The following TAFA1 variants were observed in gnomAD, a reference collection of about 807,000 sequenced individuals.
The protein encoded by TAFA1 is chemokine-like protein TAFA-1.
In TAFA1, 4 loss-of-function variants were observed where a neutral mutation model predicts 18.5. The ratio of observed to expected loss-of-function variants is 0.22; its 90% CI spans 0.11 to 0.49. The LOEUF is 0.49. Ranked by LOEUF, TAFA1 falls within the 20% of genes least tolerant of loss-of-function variation. The pLI, the probability that TAFA1 is intolerant of heterozygous loss-of-function variation, is 0.98. For missense variants in TAFA1, 147 were observed against 169.0 expected (o/e 0.87, Z 0.72); for synonymous variants, 56 against 55.2 (o/e 1.01, Z -0.06).
intron 2 of TAFA1, among the ~76,000 whole-genome samples, chr3:68,370,447 T>C (rs764345334): frequency 0.015 from 679 of 45,730 alleles, 23 homozygotes; most frequent in Non-Finnish European, 0.018. Context: ...TATACATATG[T>C]ATATATATGT....
intron 2 of TAFA1, among the ~76,000 whole-genome samples, chr3:68,343,675 C>T (rs1431796212): frequency 6.6e-6 from 1 of 152,162 alleles, no homozygotes; most frequent in African/African-American, 2.4e-5. Context: ...CAAACTATAT[C>T]TCTGTTGCAC....
intron 3 of TAFA1, among the ~76,000 whole-genome samples, chr3:68,423,674 G>A (rs1187840418): frequency 2.0e-5 from 3 of 151,920 alleles, no homozygotes; most frequent in Non-Finnish European, 4.4e-5. Flanking sequence ...AATGATTGAA[G>A]CTTCATTGTT....
intron 2 of TAFA1, among the ~76,000 whole-genome samples, chr3:68,236,191 G>A (rs976295502): frequency 6.6e-6 from 1 of 152,116 alleles, no homozygotes; most frequent in African/African-American, 2.4e-5. Flanking sequence ...CCAAGGAAAA[G>A]GGCCACTCAT....
At chr3:68,109,429 T>C (rs1478931432) in intron 2 of TAFA1, among the ~76,000 whole-genome samples, 2 of 152,180 alleles carry the variant, frequency 1.3e-5, no homozygotes, top group South Asian at 2.1e-4. Context: ...CTTCTTTAAA[T>C]TGGAAAAAAA....
intron 3 of TAFA1, among the ~76,000 whole-genome samples, chr3:68,460,025 T>C (rs1175052614): frequency 6.6e-6 from 1 of 152,138 alleles, no homozygotes; most frequent in Non-Finnish European, 1.5e-5. Context: ...GCATATCATC[T>C]CTGAAAGAAT....
chr3:68,082,720 C>A (rs1178869852), intron 2 of TAFA1, among the ~76,000 whole-genome samples: 2 of 152,100 alleles, frequency 1.3e-5, no homozygotes, highest in African/African-American at 4.8e-5. Flanking sequence ...GTCTGCCTGT[C>A]ACACTATATA....
intron 3 of TAFA1, among the ~76,000 whole-genome samples, chr3:68,499,632 C>T (rs2072622789): frequency 6.6e-6 from 1 of 151,550 alleles, no homozygotes; most frequent in South Asian, 2.1e-4. Flanking sequence ...TGAGTGAACC[C>T]CACCAAAAAC....
At chr3:68,241,410 G>A (rs1203870694) in intron 2 of TAFA1, among the ~76,000 whole-genome samples, 3 of 152,120 alleles carry the variant, frequency 2.0e-5, no homozygotes, top group Non-Finnish European at 4.4e-5. Context: ...TTCCACAGGA[G>A]ACTCAACATA....
chr3:68,356,978 A>G (rs1040994559), intron 2 of TAFA1, among the ~76,000 whole-genome samples: 1 of 151,896 alleles, frequency 6.6e-6, no homozygotes. Flanking sequence ...CTGTGTTCCC[A>G]GGCTAGCATC....
Position 68,543,936 on chromosome 3 carries a change from T to C in TAFA1, c.385-550T>C, listed in dbSNP as rs138730912. 4.4e-3 allele frequency among the ~76,000 whole-genome samples: 677 copies of C among 152,190 alleles called. 5 individuals carry two copies. The highest frequency in any genetic ancestry group is 0.027 in the Middle Eastern group (8 of 294). ...GCTGTGTTCCTACACAGATGTGGTC[T>C]AACCTTGACAACGACCTCACCTCAT... On this transcript the variant is annotated intron_variant, in intron 4 of 4. Transcript: ENST00000478136.
intron 2 of TAFA1, among the ~76,000 whole-genome samples, chr3:68,356,324 C>A (rs1397030271): frequency 2.0e-5 from 3 of 151,878 alleles, no homozygotes; most frequent in Non-Finnish European, 4.4e-5. Flanking sequence ...ATGATTAAAA[C>A]TTGTCCCTAA....
intron 2 of TAFA1, among the ~76,000 whole-genome samples, chr3:68,405,473 C>A: frequency 6.7e-6 from 1 of 149,754 alleles, no homozygotes; most frequent in African/African-American, 2.5e-5. Flanking sequence ...TCGAGACCAG[C>A]GTGGTTTGTA....
chr3:68,151,519 C>A (rs1465356532), intron 2 of TAFA1, among the ~76,000 whole-genome samples: 2 of 152,074 alleles, frequency 1.3e-5, no homozygotes, highest in Non-Finnish European at 1.5e-5. Context: ...AGTCCAATAT[C>A]AAGGTTCCAG....
At position 68,417,480 on chromosome 3, in the gene TAFA1, T is replaced by A. The variant is rs986232144; in HGVS notation, c.259+60T>A. The stretch of plus-strand genomic sequence containing the variant: ...ATGGCATTCACTATACATAATATAA[T>A]TTCTTGTTTTATCTAATATGGTTCC... On this transcript the variant is annotated intron_variant, in intron 3 of 4. Coordinates refer to ENST00000478136, the MANE Select transcript of TAFA1 (RefSeq NM_213609.4). 8 of 1,515,100 alleles carry A rather than the reference T, an allele frequency of 5.3e-6. No homozygotes were observed. The African/African-American group carries it at 1.1e-4, about 21-fold the overall frequency. 93.9% of individuals were successfully genotyped at this position (1,515,100 alleles called of 1,614,324 possible). A position where few individuals can be genotyped will look rare whatever the true frequency, so the allele number is the denominator to read the frequency against.
intron 2 of TAFA1, among the ~76,000 whole-genome samples, chr3:68,214,745 C>T (rs971380229): frequency 5.9e-5 from 9 of 152,094 alleles, no homozygotes; most frequent in African/African-American, 1.7e-4. Context: ...TCATCAGCAA[C>T]TGCAGTTTGC....
chr3:68,237,763 A>G (rs59021365), intron 2 of TAFA1, among the ~76,000 whole-genome samples: 5,458 of 152,300 alleles, frequency 0.036, 344 homozygotes, highest in African/African-American at 0.12. Context: ...GTCAGAGCCC[A>G]ATCAGAAATG....
At chr3:68,036,638 G>A (rs566148864) in intron 2 of TAFA1, among the ~76,000 whole-genome samples, 13 of 152,132 alleles carry the variant, frequency 8.5e-5, no homozygotes, top group Non-Finnish European at 1.6e-4. Context: ...TTTGGCTACA[G>A]GTGACCTTCA....
At chr3:68,157,889 CTG>C (rs1279461990) in intron 2 of TAFA1, among the ~76,000 whole-genome samples, 1 of 152,146 alleles carries the variant, frequency 6.6e-6, no homozygotes, top group Non-Finnish European at 1.5e-5. Flanking sequence ...TAATGAAAAA[CTG>C]TGTCTTGTTT....
At chr3:68,374,621 C>A (rs1559639597) in intron 2 of TAFA1, among the ~76,000 whole-genome samples, 1 of 152,098 alleles carries the variant, frequency 6.6e-6, no homozygotes, top group Non-Finnish European at 1.5e-5. Flanking sequence ...TTTTAAAACT[C>A]CTGTAACCAT....
Sources: allele counts gnomAD v4.1 joint callset (sites outside exome capture counted in the v4.1 genomes callset), GRCh38; gene constraint gnomAD v4.1.1; transcripts MANE v1.5; gene names NCBI Gene and HGNC (gene_info 2026-07-23, HGNC 2026-07-21).